Variants in PRKN observed in about 807,000 individuals in gnomAD.
PRKN encodes the protein E3 ubiquitin-protein ligase parkin.
A neutral mutation model predicts 59.5 loss-of-function variants in PRKN; 56 were observed. That is an observed-to-expected ratio of 0.94 (90% CI 0.76 to 1.18). PRKN has a LOEUF of 1.18. PRKN is among the 50% of genes most tolerant of loss of function. PRKN has a pLI of 0.00. For missense variants in PRKN, 657 were observed against 596.4 expected (o/e 1.10, Z -1.06); for synonymous variants, 250 against 222.1 (o/e 1.13, Z -1.12).
chr6:161,369,694 C>A lies in PRKN; in HGVS notation c.1168-9489G>T, dbSNP rs1341763891. Among the ~76,000 whole-genome samples the A allele has an allele frequency of 6.6e-6, 1 of 151,920 alleles. No individual in the cohort carries two copies. Among genetic ancestry groups the A allele is most frequent in the African/African-American group, 2.4e-5 (1 of 41,340 alleles). ...ACGCGTGGTGGAGGTGGGGGTGGAA[C>A]AGGACAAGTCTCTCTCCTAATATAC... On this transcript the variant is annotated intron_variant, in intron 10 of 11. Transcript: ENST00000366898. The surrounding 1 kb of genome is among the most constrained non-coding windows in gnomAD (Gnocchi z 5.8).
intron 2 of PRKN, chr6:162,275,290 A>G (rs952399645): frequency 2.1e-5 from 3 of 141,610 alleles, no homozygotes; most frequent in Non-Finnish European, 2.9e-5. Flanking sequence ...TGATCTTTTA[A>G]TATTATCACT....
At chr6:162,000,852 TG>T (rs66733824) in intron 5 of PRKN, among the ~76,000 whole-genome samples, 116,410 of 149,874 alleles carry the variant, frequency 0.78, 45,863 homozygotes, top group African/African-American at 0.93. Flanking sequence ...CAGATTTTTT[TG>T]TTTTTGCATG....
At chr6:162,391,203 C>T (rs1393190102) in intron 2 of PRKN, among the ~76,000 whole-genome samples, 1 of 152,110 alleles carries the variant, frequency 6.6e-6, no homozygotes, top group South Asian at 2.1e-4. Context: ...ACATGGATTT[C>T]GAACATCTGC....
intron 1 of PRKN, among the ~76,000 whole-genome samples, chr6:162,684,941 T>C (rs571870801): frequency 3.0e-4 from 45 of 152,284 alleles, no homozygotes; most frequent in Admixed American, 9.8e-4. Flanking sequence ...CTTAAAAGTA[T>C]AATTTAAGCC....
intron 7 of PRKN, among the ~76,000 whole-genome samples, chr6:161,587,635 T>A (rs550359523): frequency 2.0e-5 from 3 of 152,238 alleles, no homozygotes; most frequent in African/African-American, 7.2e-5. Flanking sequence ...ATTCCTGCTT[T>A]TTTTTTAAAA....
At chr6:161,859,280 CCT>C (rs1376461706) in intron 6 of PRKN, among the ~76,000 whole-genome samples, 3 of 151,986 alleles carry the variant, frequency 2.0e-5, no homozygotes, top group Non-Finnish European at 4.4e-5. Context: ...TAATTGCGTA[CCT>C]CTCTCTTCTC....
chr6:162,346,159 A>G (rs1784395825), intron 2 of PRKN, among the ~76,000 whole-genome samples: 1 of 152,182 alleles, frequency 6.6e-6, no homozygotes, highest in South Asian at 2.1e-4. Flanking sequence ...TGTTGTAACA[A>G]CATAAAACAA....
At chr6:162,036,084 G>A (rs989343533) in intron 5 of PRKN, among the ~76,000 whole-genome samples, 1 of 152,014 alleles carries the variant, frequency 6.6e-6, no homozygotes, top group African/African-American at 2.4e-5. Flanking sequence ...CAGCACTTTG[G>A]GAGGCCGAGG....
intron 1 of PRKN, among the ~76,000 whole-genome samples, chr6:162,575,038 TACATA>T (rs375495300): frequency 2.0e-5 from 3 of 152,194 alleles, no homozygotes; most frequent in African/African-American, 7.2e-5. Flanking sequence ...TCTTTCACCA[TACATA>T]ACATTTCAGT....
At chr6:161,989,783 C>T (rs1781573606) in intron 5 of PRKN, among the ~76,000 whole-genome samples, 2 of 152,152 alleles carry the variant, frequency 1.3e-5, no homozygotes, top group Non-Finnish European at 2.9e-5. Flanking sequence ...CCTGCTCAGC[C>T]TGCCGGTGCC....
intron 1 of PRKN, among the ~76,000 whole-genome samples, chr6:162,621,734 T>C (rs62429076): frequency 0.015 from 2,357 of 152,354 alleles, 38 homozygotes; most frequent in Admixed American, 0.056. Context: ...ACTGACTCTA[T>C]TCACTATTGC....
At chr6:161,734,932 A>G (rs914024173) in intron 7 of PRKN, among the ~76,000 whole-genome samples, 3 of 152,042 alleles carry the variant, frequency 2.0e-5, no homozygotes, top group Non-Finnish European at 4.4e-5. Context: ...ATTTCCTTTT[A>G]ATTAAACACA....
intron 1 of PRKN, among the ~76,000 whole-genome samples, chr6:162,570,541 A>C (rs9456795): frequency 0.31 from 46,768 of 152,166 alleles, 7,648 homozygotes; most frequent in East Asian, 0.49. Flanking sequence ...CTCTGTATAT[A>C]ATAGTTAAGA....
At chr6:162,632,321 T>C (rs1313856530) in intron 1 of PRKN, among the ~76,000 whole-genome samples, 3 of 152,096 alleles carry the variant, frequency 2.0e-5, no homozygotes, top group African/African-American at 4.8e-5. Context: ...GAATACTACA[T>C]AGCCATAAGA....
intron 1 of PRKN, among the ~76,000 whole-genome samples, chr6:162,484,080 A>G (rs1218882580): frequency 2.6e-5 from 4 of 152,216 alleles, no homozygotes; most frequent in Non-Finnish European, 5.9e-5. Context: ...AAGTATGTCT[A>G]AAAAAGAAGA....
chr6:162,053,441 C>T (rs1458880496), intron 5 of PRKN, among the ~76,000 whole-genome samples: 1 of 152,128 alleles, frequency 6.6e-6, no homozygotes, highest in Non-Finnish European at 1.5e-5. Context: ...CAACAATATA[C>T]ATGTGAAGCA....
At chr6:162,703,560 C>T (rs960830711) in intron 1 of PRKN, among the ~76,000 whole-genome samples, 4 of 152,144 alleles carry the variant, frequency 2.6e-5, no homozygotes, top group African/African-American at 9.7e-5. Context: ...ATGTCTTTCA[C>T]GTATACCAGC....
At chr6:161,351,917 A>G (rs3798964) in intron 11 of PRKN, among the ~76,000 whole-genome samples, 37,653 of 152,044 alleles carry the variant, frequency 0.25, 5,277 homozygotes, top group African/African-American at 0.38. Context: ...CTTATCTTGG[A>G]ACTTATTTTG....
chr6:161,382,163 AAAAC>A (rs1396460388), intron 10 of PRKN, among the ~76,000 whole-genome samples: 1 of 151,374 alleles, frequency 6.6e-6, no homozygotes, highest in Non-Finnish European at 1.5e-5. Flanking sequence ...ACAAACAAAC[AAAAC>A]AAAGCCCAGA....
Sources: gnomAD v4.1 joint callset for allele counts (sites outside exome capture counted in the v4.1 genomes callset) on GRCh38, gnomAD v4.1.1 for gene constraint, Gnocchi (gnomAD v3.1) non-coding constraint, MANE v1.5 for transcripts, NCBI Gene and HGNC (gene_info 2026-07-23, HGNC 2026-07-21) for gene names.